The following LRRTM4 variants were observed in gnomAD, a reference collection of about 807,000 sequenced individuals.
LRRTM4 encodes the protein leucine rich repeat transmembrane neuronal 4.
LRRTM4 carries 25 observed loss-of-function variants against 47.6 expected under a neutral mutation model. The ratio of observed to expected loss-of-function variants is 0.53; its 90% CI spans 0.38 to 0.73. LRRTM4 has a LOEUF of 0.73. LRRTM4 is among the 30% of genes least tolerant of loss of function. The pLI, the probability that LRRTM4 is intolerant of heterozygous loss-of-function variation, is 0.00. For synonymous variants in LRRTM4, 311 were observed against 269.5 expected (o/e 1.15, Z -1.51); for missense variants, 638 against 713.4 (o/e 0.89, Z 1.20).
chr2:77,178,306 T>C (rs1327581686), intron 3 of LRRTM4, among the ~76,000 whole-genome samples: 1 of 152,134 alleles, frequency 6.6e-6, no homozygotes, highest in African/African-American at 2.4e-5. Context: ...ACTTTATTTC[T>C]GCTGGGCGCG....
intron 3 of LRRTM4, among the ~76,000 whole-genome samples, chr2:77,213,347 C>T (rs1050730777): frequency 6.6e-6 from 1 of 152,080 alleles, no homozygotes; most frequent in African/African-American, 2.4e-5. Context: ...GCAACCAGCT[C>T]CTCTACTACT....
intron 3 of LRRTM4, among the ~76,000 whole-genome samples, chr2:77,391,772 T>G (rs1673514087): frequency 6.6e-6 from 1 of 151,912 alleles, no homozygotes; most frequent in Non-Finnish European, 1.5e-5. Context: ...ATTACTGGAA[T>G]GGGGAGGTGA....
At chr2:76,927,554 A>G (rs185952233) in intron 3 of LRRTM4, among the ~76,000 whole-genome samples, 6 of 152,138 alleles carry the variant, frequency 3.9e-5, no homozygotes, top group Non-Finnish European at 8.8e-5. Flanking sequence ...TAGTTTTCCA[A>G]AAGTCATGTA....
chr2:76,753,981 G>A lies in LRRTM4; in HGVS notation c.1552-5065C>T, dbSNP rs115921349. On this transcript the variant is annotated intron_variant, in intron 3 of 3. Coordinates refer to ENST00000409884, the MANE Select transcript of LRRTM4 (RefSeq NM_001134745.3). ...TTGGTCTTATTTGTTAACTTTTCAC[G>A]AACATTGTTCACATTTCAGCATGAG... Among the ~76,000 whole-genome samples, 404 of 152,106 alleles carry A rather than the reference G, an allele frequency of 2.7e-3. 1 individual carries two copies. Among genetic ancestry groups the A allele is most frequent in the African/African-American group, 9.5e-3 (393 of 41,502 alleles).
chr2:77,078,377 C>T (rs1367111352), intron 3 of LRRTM4, among the ~76,000 whole-genome samples: 1 of 110,766 alleles, frequency 9.0e-6, no homozygotes, highest in Admixed American at 9.3e-5. Context: ...ATTACACACA[C>T]ACCCACACAC....
chr2:77,114,234 A>C (rs2103941683), intron 3 of LRRTM4, among the ~76,000 whole-genome samples: 1 of 152,188 alleles, frequency 6.6e-6, no homozygotes, highest in East Asian at 1.9e-4. Flanking sequence ...CCCTGTAGGG[A>C]CCAGTTCCTG....
At chr2:77,475,668 A>T (rs956909923) in intron 3 of LRRTM4, among the ~76,000 whole-genome samples, 3 of 151,822 alleles carry the variant, frequency 2.0e-5, no homozygotes. Context: ...ACAAAGATTG[A>T]CATGTTCCCT....
chr2:77,224,815 A>T lies in LRRTM4; in HGVS notation c.1551+293503T>A, dbSNP rs868006271. Among the ~76,000 whole-genome samples, 6 of 152,270 alleles carry T rather than the reference A, an allele frequency of 3.9e-5. No individual in the cohort carries two copies. The South Asian group carries it at 1.0e-3, about 26-fold the overall frequency. On this transcript the variant is annotated intron_variant, in intron 3 of 3. Transcript: ENST00000409884. Reference sequence around the variant, plus strand: ...GGAAGTCAGTGTGGTGATTCCTCTCAGGGATCTAGAACTAGAAATACCATT... The same window carrying T: ...GGAAGTCAGTGTGGTGATTCCTCTCTGGGATCTAGAACTAGAAATACCATT...
chr2:76,752,786 CAAAGT>C (rs886874609), intron 3 of LRRTM4, among the ~76,000 whole-genome samples: 5 of 152,086 alleles, frequency 3.3e-5, no homozygotes, highest in African/African-American at 1.2e-4. Context: ...GTAGTCAAAA[CAAAGT>C]ATTCTTAAGT....
chr2:77,111,861 A>T (rs1054897910), intron 3 of LRRTM4, among the ~76,000 whole-genome samples: 3 of 152,210 alleles, frequency 2.0e-5, no homozygotes, highest in Non-Finnish European at 4.4e-5. Context: ...AAAGTTGCTA[A>T]AATCTATGGT....
At chr2:76,984,139 A>T (rs1423152860) in intron 3 of LRRTM4, among the ~76,000 whole-genome samples, 1 of 151,942 alleles carries the variant, frequency 6.6e-6, no homozygotes, top group Non-Finnish European at 1.5e-5. Flanking sequence ...ATTTTAAAAA[A>T]ATAGACACAC....
At chr2:77,360,730 A>C (rs1037216753) in intron 3 of LRRTM4, among the ~76,000 whole-genome samples, 1 of 152,118 alleles carries the variant, frequency 6.6e-6, no homozygotes, top group African/African-American at 2.4e-5. Context: ...AGGCATTACA[A>C]TGTAACTAAA....
At chr2:77,005,877 T>C (rs1371545263) in intron 3 of LRRTM4, among the ~76,000 whole-genome samples, 1 of 152,178 alleles carries the variant, frequency 6.6e-6, no homozygotes, top group Non-Finnish European at 1.5e-5. Flanking sequence ...TTCACAAATA[T>C]TAGCTTATTT....
chr2:77,043,218 T>C lies in LRRTM4; in HGVS notation c.1552-294302A>G, dbSNP rs377044212. Among the ~76,000 whole-genome samples, 64 of 151,926 alleles carry C rather than the reference T, an allele frequency of 4.2e-4. 1 individual carries two copies. The highest frequency in any genetic ancestry group is 1.4e-3 in the African/African-American group (60 of 41,512). ...GGAAAACAGGCTACTTTATCTATTTTGATTGCAGGTCAGAAGTTGCCTCTA... is the reference window on the plus strand; with the variant it reads ...GGAAAACAGGCTACTTTATCTATTTCGATTGCAGGTCAGAAGTTGCCTCTA... On this transcript the variant is annotated intron_variant, in intron 3 of 3. Coordinates refer to ENST00000409884, the MANE Select transcript of LRRTM4 (RefSeq NM_001134745.3).
At position 76,999,535 on chromosome 2, in the gene LRRTM4, T is replaced by C. The variant is rs147022218; in HGVS notation, c.1552-250619A>G. 6.9e-4 allele frequency among the ~76,000 whole-genome samples: 105 copies of C among 151,928 alleles called. 2 individuals carry two copies. In the East Asian group the frequency reaches 0.02, roughly 29 times the overall value. ...CTCTCAATTTTTAAAAATCAACATA[T>C]ATTGAGCCTAGGCGGGCCAAAACAG... On this transcript the variant is annotated intron_variant, in intron 3 of 3. Transcript: ENST00000409884.
At chr2:77,293,196 C>G (rs72915911) in intron 3 of LRRTM4, among the ~76,000 whole-genome samples, 3,240 of 152,148 alleles carry the variant, frequency 0.021, 98 homozygotes, top group African/African-American at 0.072. Flanking sequence ...GGACTTTTCA[C>G]AAGGTACAGT....
At chr2:77,162,362 C>T (rs1289954977) in intron 3 of LRRTM4, among the ~76,000 whole-genome samples, 1 of 152,182 alleles carries the variant, frequency 6.6e-6, no homozygotes, top group African/African-American at 2.4e-5. Flanking sequence ...CCCAAGGAGG[C>T]CTGCCCTACT....
chr2:77,190,353 C>T (rs1231069016), intron 3 of LRRTM4, among the ~76,000 whole-genome samples: 7 of 143,512 alleles, frequency 4.9e-5, no homozygotes, highest in African/African-American at 1.3e-4. Flanking sequence ...TGGAGAGCAA[C>T]GGCACGATCT....
chr2:77,346,702 C>T (rs891738613), intron 3 of LRRTM4, among the ~76,000 whole-genome samples: 1 of 151,922 alleles, frequency 6.6e-6, no homozygotes, highest in Non-Finnish European at 1.5e-5. Flanking sequence ...TTAATTTTAA[C>T]ATTGTTTAAT....
Sources: allele counts gnomAD v4.1 joint callset (sites outside exome capture counted in the v4.1 genomes callset), GRCh38; gene constraint gnomAD v4.1.1; transcripts MANE v1.5; gene names NCBI Gene and HGNC (gene_info 2026-07-23, HGNC 2026-07-21).